CCDC85A: variants seen among roughly 807,000 people sequenced by gnomAD.
CCDC85A encodes coiled-coil domain containing 85A.
Under a neutral mutation model 50.2 loss-of-function variants are expected in CCDC85A, and 38 were observed. The observed-to-expected ratio is 0.76, with a 90% confidence interval of 0.58 to 0.99. The LOEUF is 0.99. Among genes scored for constraint, CCDC85A ranks in the 50% least tolerant of loss-of-function variants. The probability of loss-of-function intolerance (pLI) is 0.00; values close to 1 mark genes in which losing one functional copy is unlikely to be tolerated. For missense variants in CCDC85A, 820 were observed against 742.0 expected (o/e 1.11, Z -1.22); for synonymous variants, 366 against 301.4 (o/e 1.21, Z -2.22).
intron 2 of CCDC85A, among the ~76,000 whole-genome samples, chr2:56,291,205 T>C (rs1388594404): frequency 6.6e-6 from 1 of 152,182 alleles, no homozygotes; most frequent in Non-Finnish European, 1.5e-5. Context: ...GTCTTAATCT[T>C]TGAGTAGAGG....
intron 2 of CCDC85A, among the ~76,000 whole-genome samples, chr2:56,262,297 G>T (rs900339989): frequency 6.9e-6 from 1 of 145,434 alleles, no homozygotes; most frequent in Non-Finnish European, 1.6e-5. Context: ...TGTTATTTTA[G>T]TATGAATAGG....
intron 2 of CCDC85A, among the ~76,000 whole-genome samples, chr2:56,324,356 C>A (rs1673362260): frequency 6.6e-6 from 1 of 151,928 alleles, no homozygotes; most frequent in Non-Finnish European, 1.5e-5. Context: ...GAAATAGATT[C>A]ATAATTCTTT....
chr2:56,285,799 C>G (rs1573176570), intron 2 of CCDC85A, among the ~76,000 whole-genome samples: 1 of 151,684 alleles, frequency 6.6e-6, no homozygotes, highest in South Asian at 2.1e-4. Context: ...TATATTTGCC[C>G]ACATATGCAC....
Position 56,193,141 on chromosome 2 carries a change from C to T in CCDC85A, c.941C>T (p.Pro314Leu), listed in dbSNP as rs747483421. Residue 314 changes from proline (P) to leucine (L), a missense_variant, in exon 2 of 6, where the codon CCG (proline) becomes CTG (leucine). Transcript: ENST00000407595. ...TLPKHVLSGS[P>L]EHFQKHRSGS... Reference sequence around the variant, plus strand: ...CCCAAGCACGTGCTGAGTGGGAGCCCGGAACACTTCCAGAAGCACCGGTCA... The same window carrying T: ...CCCAAGCACGTGCTGAGTGGGAGCCTGGAACACTTCCAGAAGCACCGGTCA... The T allele has an allele frequency of 6.8e-6, 11 of 1,612,314 alleles. No homozygotes were observed. Among genetic ancestry groups the T allele is most frequent in the Admixed American group, 5.0e-5 (3 of 59,964 alleles).
At chr2:56,330,134 G>T (rs888791697) in intron 2 of CCDC85A, among the ~76,000 whole-genome samples, 4 of 151,876 alleles carry the variant, frequency 2.6e-5, no homozygotes, top group Non-Finnish European at 5.9e-5. Context: ...TCTGGGAAAT[G>T]ACAATAACAG....
At chr2:56,270,778 T>C (rs941490054) in intron 2 of CCDC85A, among the ~76,000 whole-genome samples, 1 of 152,140 alleles carries the variant, frequency 6.6e-6, no homozygotes, top group Non-Finnish European at 1.5e-5. Flanking sequence ...ACAAAGGTGT[T>C]TAATGTAGGA....
At chr2:56,287,161 G>A (rs1430116072) in intron 2 of CCDC85A, among the ~76,000 whole-genome samples, 1 of 152,114 alleles carries the variant, frequency 6.6e-6, no homozygotes, top group East Asian at 1.9e-4. Context: ...GGCTGACAGA[G>A]TTTCACTCTT....
intron 2 of CCDC85A, among the ~76,000 whole-genome samples, chr2:56,245,061 T>G (rs1481260963): frequency 6.6e-6 from 1 of 152,158 alleles, no homozygotes; most frequent in Admixed American, 6.5e-5. Flanking sequence ...AGCACTCCCT[T>G]AGCCACCCTG....
chr2:56,319,968 C>A (rs1203002406), intron 2 of CCDC85A, among the ~76,000 whole-genome samples: 2 of 152,140 alleles, frequency 1.3e-5, no homozygotes, highest in Non-Finnish European at 2.9e-5. Context: ...CAAACTAGAA[C>A]TCAGGATTAA....
chr2:56,291,516 G>C (rs1671702572), intron 2 of CCDC85A, among the ~76,000 whole-genome samples: 1 of 152,174 alleles, frequency 6.6e-6, no homozygotes, highest in Non-Finnish European at 1.5e-5. Context: ...TCCCTGAGTA[G>C]ATGATATTTA....
At chr2:56,327,991 G>A (rs1673564114) in intron 2 of CCDC85A, among the ~76,000 whole-genome samples, 1 of 152,060 alleles carries the variant, frequency 6.6e-6, no homozygotes, top group Admixed American at 6.5e-5. Flanking sequence ...GGAAGATACT[G>A]TAATTATCTG....
At chr2:56,211,500 A>C (rs1475292325) in intron 2 of CCDC85A, among the ~76,000 whole-genome samples, 1 of 151,994 alleles carries the variant, frequency 6.6e-6, no homozygotes, top group African/African-American at 2.4e-5. Context: ...TAACTAATGG[A>C]ATCTTATTTA....
At chr2:56,348,827 C>T (rs1450801432) in intron 3 of CCDC85A, among the ~76,000 whole-genome samples, 2 of 152,090 alleles carry the variant, frequency 1.3e-5, no homozygotes, top group African/African-American at 4.8e-5. Context: ...TTTGCTGTGG[C>T]GATAGATATG....
intron 2 of CCDC85A, among the ~76,000 whole-genome samples, chr2:56,240,940 G>C (rs543296171): frequency 2.0e-5 from 3 of 152,206 alleles, no homozygotes; most frequent in East Asian, 3.9e-4. Flanking sequence ...ACTTTTTGAA[G>C]AACTGACAAG....
rs370940744 is a variant in CCDC85A, at chr2:56,375,868, C to G, written c.1505C>G (p.Ser502Cys). 148 of 1,613,706 alleles carry G rather than the reference C, an allele frequency of 9.2e-5. No homozygotes were observed. Among genetic ancestry groups the G allele is most frequent in the Non-Finnish European group, 1.1e-4 (134 of 1,179,808 alleles). The change falls in exon 5 of 6, where the codon TCT becomes TGT. Residue 502 changes from serine (S) to cysteine (C), a missense_variant. By Grantham distance (112) the Ser-to-Cys change is moderately radical. Transcript: ENST00000407595. ...GADGSNSSPN[S>C]AASFSGHATP... Reference sequence around the variant, plus strand: ...GATGGGAGTAACAGTTCACCCAACTCTGCAGCTAGCTTCAGTGGACATGCC... The same window carrying G: ...GATGGGAGTAACAGTTCACCCAACTGTGCAGCTAGCTTCAGTGGACATGCC...
intron 2 of CCDC85A, among the ~76,000 whole-genome samples, chr2:56,210,619 A>G (rs1379071406): frequency 6.6e-6 from 1 of 152,014 alleles, no homozygotes; most frequent in Non-Finnish European, 1.5e-5. Context: ...TTACTCACGT[A>G]TCATATGCCT....
intron 1 of CCDC85A, among the ~76,000 whole-genome samples, chr2:56,186,267 G>A (rs1311939216): frequency 6.6e-6 from 1 of 152,202 alleles, no homozygotes. Flanking sequence ...TTGGGGAATA[G>A]AGGCAGGCTA....
At chr2:56,317,667 G>C (rs1174213242) in intron 2 of CCDC85A, among the ~76,000 whole-genome samples, 6 of 152,088 alleles carry the variant, frequency 3.9e-5, no homozygotes, top group Admixed American at 3.9e-4. Flanking sequence ...AGATTATTTT[G>C]ATTGATGCCC....
chr2:56,212,108 G>A (rs572958538), intron 2 of CCDC85A, among the ~76,000 whole-genome samples: 1 of 152,090 alleles, frequency 6.6e-6, no homozygotes, highest in Non-Finnish European at 1.5e-5. Context: ...GGTCATAACT[G>A]GCTGCTTGCT....
Sources: allele counts gnomAD v4.1 joint callset (sites outside exome capture counted in the v4.1 genomes callset), GRCh38; gene constraint gnomAD v4.1.1; transcripts MANE v1.5; gene names NCBI Gene and HGNC (gene_info 2026-07-23, HGNC 2026-07-21).